The following SLC25A24 variants were observed in gnomAD, a reference collection of about 807,000 sequenced individuals.
SLC25A24 encodes the protein solute carrier family 25 member 24, also known as mitochondrial adenyl nucleotide antiporter SLC25A24.
A neutral mutation model predicts 60.7 loss-of-function variants in SLC25A24; 49 were observed. That is an observed-to-expected ratio of 0.81 (90% CI 0.64 to 1.02). The LOEUF (loss-of-function observed/expected upper bound fraction) is 1.02. SLC25A24 is among the 50% of genes least tolerant of loss of function. SLC25A24 has a pLI of 0.00. For missense variants in SLC25A24, 564 were observed against 586.3 expected (o/e 0.96, Z 0.39); for synonymous variants, 202 against 200.6 (o/e 1.01, Z -0.06).
chr1:108,192,686 C>T, intron 1 of SLC25A24: 4 of 1,457,540 alleles, frequency 2.7e-6, no homozygotes, highest in Non-Finnish European at 2.7e-6. Context: ...GTGCGACCGA[C>T]GAACGGGATC....
At position 108,157,492 on chromosome 1, in the gene SLC25A24, G is replaced by C; in HGVS notation, c.639C>G (p.Ala213=). 2 of 1,614,082 alleles carry C rather than the reference G, an allele frequency of 1.2e-6. No homozygotes were observed. Among genetic ancestry groups the C allele is most frequent in the Non-Finnish European group, 1.7e-6 (2 of 1,180,002 alleles). The change falls in exon 5 of 10, where the codon GCC becomes GCG. Residue 213 remains alanine, a synonymous_variant. Transcript: ENST00000565488. ...TCATGATTTTCAGACGGTCCAAAGG[G>C]GCAGTGCTTGTTCGAGAGACAGCAC... ...IAGAVSRTST[A]PLDRLKIMMQ... is the part of the protein sequence containing the mutation.
chr1:108,165,757 T>A (rs1680235269), intron 3 of SLC25A24, among the ~76,000 whole-genome samples: 2 of 152,212 alleles, frequency 1.3e-5, no homozygotes, highest in Non-Finnish European at 2.9e-5. Context: ...AATTTGCCAG[T>A]CTGTGTCTTT....
At chr1:108,174,167 C>T (rs1359763558) in intron 3 of SLC25A24, among the ~76,000 whole-genome samples, 5 of 152,194 alleles carry the variant, frequency 3.3e-5, no homozygotes, top group Admixed American at 6.5e-5. Flanking sequence ...CAGAGGTCTT[C>T]AGGAAGGGCC....
intron 1 of SLC25A24, among the ~76,000 whole-genome samples, chr1:108,197,767 G>A (rs1648537638): frequency 6.6e-6 from 1 of 152,204 alleles, no homozygotes; most frequent in Non-Finnish European, 1.5e-5. Context: ...TGGAGGATGT[G>A]AATAGAACCA....
intron 1 of SLC25A24, among the ~76,000 whole-genome samples, chr1:108,196,513 C>T (rs1157222543): frequency 6.6e-6 from 1 of 152,238 alleles, no homozygotes; most frequent in Non-Finnish European, 1.5e-5. Flanking sequence ...AAGGACGGAA[C>T]TCTCTTGTAG....
At chr1:108,190,897 G>C (rs1190530006) in intron 1 of SLC25A24, among the ~76,000 whole-genome samples, 1 of 138,436 alleles carries the variant, frequency 7.2e-6, no homozygotes, top group Non-Finnish European at 1.6e-5. Flanking sequence ...CCTCCCTTGG[G>C]TTTTGACATG....
Position 108,187,931 on chromosome 1 carries a change from T to TAG in SLC25A24, c.184-1978_184-1977insCT, listed in dbSNP as rs1323998368. On this transcript the variant is annotated intron_variant, in intron 1 of 9. Coordinates refer to ENST00000565488, the MANE Select transcript of SLC25A24 (RefSeq NM_013386.5). ...CGAAATGGATAAGACATTATAGATATATATATATATATATTCATGCACTGT... is the reference window on the plus strand; with the variant it reads ...CGAAATGGATAAGACATTATAGATATAGATATATATATATATTCATGCACTGT... 4.0e-4 allele frequency among the ~76,000 whole-genome samples: 22 copies of TAG among 55,558 alleles called. 2 individuals carry two copies. The highest frequency in any genetic ancestry group is 1.6e-3 in the East Asian group (2 of 1,270). The allele number at this position is 55,558 out of a possible 152,430, so 36.4% of individuals were successfully genotyped here. A position where few individuals can be genotyped will look rare whatever the true frequency, so the allele number is the denominator to read the frequency against.
chr1:108,147,985 C>T (rs1459722231), intron 7 of SLC25A24, among the ~76,000 whole-genome samples: 2 of 152,082 alleles, frequency 1.3e-5, no homozygotes, highest in African/African-American at 4.8e-5. Context: ...GAAAGGCTCA[C>T]GTGATAAGGA....
intron 7 of SLC25A24, among the ~76,000 whole-genome samples, chr1:108,144,149 G>A (rs538572464): frequency 6.6e-6 from 1 of 152,110 alleles, no homozygotes; most frequent in South Asian, 2.1e-4. Context: ...TTTTTGAGAG[G>A]TGTGTGGAGT....
At chr1:108,161,834 A>G (rs1680093188) in intron 3 of SLC25A24, among the ~76,000 whole-genome samples, 1 of 151,942 alleles carries the variant, frequency 6.6e-6, no homozygotes, top group South Asian at 2.1e-4. Context: ...TTTAGGGTAC[A>G]TGTGCACAAT....
intron 4 of SLC25A24, among the ~76,000 whole-genome samples, chr1:108,157,927 C>T (rs935553724): frequency 3.9e-5 from 6 of 152,150 alleles, no homozygotes; most frequent in African/African-American, 1.4e-4. Flanking sequence ...AATGAAAGGG[C>T]AGCATTTTAT....
chr1:108,152,754 G>T (rs996023643), intron 6 of SLC25A24, among the ~76,000 whole-genome samples: 11 of 152,194 alleles, frequency 7.2e-5, no homozygotes, highest in African/African-American at 2.7e-4. Flanking sequence ...ACTGGGCAAG[G>T]TGCTAAGAAT....
intron 7 of SLC25A24, among the ~76,000 whole-genome samples, chr1:108,145,004 A>C (rs1161460729): frequency 1.3e-5 from 2 of 152,186 alleles, no homozygotes; most frequent in African/African-American, 4.8e-5. Flanking sequence ...AGGAATTGCC[A>C]CACTGTCTTC....
chr1:108,167,585 T>C (rs2101625463), intron 3 of SLC25A24, among the ~76,000 whole-genome samples: 1 of 152,332 alleles, frequency 6.6e-6, no homozygotes, highest in South Asian at 2.1e-4. Context: ...TTTCTTTGAC[T>C]AGGAAAGGGA....
At chr1:108,164,120 C>T (rs1362220052) in intron 3 of SLC25A24, among the ~76,000 whole-genome samples, 5 of 151,806 alleles carry the variant, frequency 3.3e-5, no homozygotes, top group Non-Finnish European at 5.9e-5. Flanking sequence ...ATTGAACCAG[C>T]CTTGCATCCC....
chr1:108,155,710 C>A (rs1385877420), intron 5 of SLC25A24, among the ~76,000 whole-genome samples: 1 of 151,988 alleles, frequency 6.6e-6, no homozygotes, highest in Admixed American at 6.6e-5. Flanking sequence ...AAAAATTGCA[C>A]CCTCTTTGGC....
At chr1:108,161,346 T>G in intron 3 of SLC25A24, 53 bp from the exon 4 acceptor site, 1 of 920,518 alleles carries the variant, frequency 1.1e-6, no homozygotes, top group Non-Finnish European at 1.8e-6. Context: ...TAAATAAAAC[T>G]AACATTATTG....
chr1:108,166,784 C>T (rs1282915192), intron 3 of SLC25A24, among the ~76,000 whole-genome samples: 1 of 152,132 alleles, frequency 6.6e-6, no homozygotes, highest in African/African-American at 2.4e-5. Context: ...GAAGCCTTCT[C>T]TCAGCTCGTC....
intron 1 of SLC25A24, chr1:108,192,497 T>G: frequency 6.7e-7 from 1 of 1,490,744 alleles, no homozygotes; most frequent in Non-Finnish European, 9.0e-7. Flanking sequence ...GAGACCCACC[T>G]TCGCTTCCTC....
Sources: allele counts gnomAD v4.1 joint callset (sites outside exome capture counted in the v4.1 genomes callset), GRCh38; gene constraint gnomAD v4.1.1; transcripts MANE v1.5; gene names NCBI Gene and HGNC (gene_info 2026-07-23, HGNC 2026-07-21).